KCNB2: variants seen among roughly 807,000 people sequenced by gnomAD.
KCNB2 encodes potassium voltage-gated channel subfamily B member 2, also known as delayed rectifier potassium channel protein.
A neutral mutation model predicts 61.5 loss-of-function variants in KCNB2; 15 were observed. The observed-to-expected ratio is 0.24, with a 90% CI of 0.16 to 0.38. The LOEUF (loss-of-function observed/expected upper bound fraction) is 0.38, where lower values mean the gene tolerates loss of function less well. KCNB2 is among the 10% of genes least tolerant of loss of function. KCNB2 has a pLI of 1.00. For missense variants in KCNB2, 828 were observed against 1,125.2 expected, an observed-to-expected ratio of 0.74 and a Z score of 3.78; for synonymous variants, 457 against 446.0, an observed-to-expected ratio of 1.02 and a Z score of -0.31.
At chr8:72,911,846 A>G (rs922235461) in intron 2 of KCNB2, among the ~76,000 whole-genome samples, 4 of 152,322 alleles carry the variant, frequency 2.6e-5, no homozygotes, top group African/African-American at 9.6e-5. Context: ...TATAATGAGA[A>G]CAACAGTATC....
chr8:72,651,794 CTG>C (rs1385832701), intron 2 of KCNB2, among the ~76,000 whole-genome samples: 1 of 152,022 alleles, frequency 6.6e-6, no homozygotes, highest in Non-Finnish European at 1.5e-5. Context: ...AACATTGAAA[CTG>C]AGCATATCAG....
chr8:72,693,841 T>A (rs2128990362), intron 2 of KCNB2, among the ~76,000 whole-genome samples: 1 of 152,322 alleles, frequency 6.6e-6, no homozygotes, highest in East Asian at 1.9e-4. Context: ...TCAACCCTGC[T>A]TATCTAAAAA....
chr8:72,745,736 G>T (rs1748364763), intron 2 of KCNB2, among the ~76,000 whole-genome samples: 1 of 152,094 alleles, frequency 6.6e-6, no homozygotes, highest in Admixed American at 6.6e-5. Flanking sequence ...CTGATCTCCA[G>T]CCCCTGCTGC....
intron 2 of KCNB2, among the ~76,000 whole-genome samples, chr8:72,791,501 A>T (rs1211772267): frequency 6.6e-6 from 1 of 152,136 alleles, no homozygotes; most frequent in African/African-American, 2.4e-5. Context: ...GTGAGCCATG[A>T]TCAGGACACT....
At chr8:72,573,512 C>T (rs1294537060) in intron 2 of KCNB2, among the ~76,000 whole-genome samples, 3 of 152,226 alleles carry the variant, frequency 2.0e-5, no homozygotes, top group African/African-American at 7.2e-5. Context: ...ACAGAAACCC[C>T]TCTACACTGA....
chr8:72,775,576 C>T (rs1808635627), intron 2 of KCNB2, among the ~76,000 whole-genome samples: 1 of 152,154 alleles, frequency 6.6e-6, no homozygotes, highest in African/African-American at 2.4e-5. Context: ...AGATGCGTGA[C>T]TTGACTTCGT....
chr8:72,611,165 T>C (rs1805531678), intron 2 of KCNB2, among the ~76,000 whole-genome samples: 1 of 152,198 alleles, frequency 6.6e-6, no homozygotes, highest in Non-Finnish European at 1.5e-5. Context: ...CATCTTTTAA[T>C]CCTCAGAATG....
chr8:72,749,392 A>C (rs1463217107), intron 2 of KCNB2: 12 of 152,116 alleles, frequency 7.9e-5, no homozygotes, highest in Admixed American at 5.2e-4. Context: ...AAGGGATTCC[A>C]AGAGTGACCC....
intron 2 of KCNB2, among the ~76,000 whole-genome samples, chr8:72,598,838 C>T (rs897165652): frequency 2.0e-5 from 3 of 152,132 alleles, no homozygotes; most frequent in Non-Finnish European, 2.9e-5. Context: ...GAGTGAACTC[C>T]CATTCACAAT....
At chr8:72,623,977 A>G (rs148228570) in intron 2 of KCNB2, among the ~76,000 whole-genome samples, 27 of 152,052 alleles carry the variant, frequency 1.8e-4, no homozygotes, top group Admixed American at 1.5e-3. Context: ...GTGCTTCCTG[A>G]TCGGTGCATA....
chr8:72,706,234 CA>C (rs926038968), intron 2 of KCNB2, among the ~76,000 whole-genome samples: 1 of 152,168 alleles, frequency 6.6e-6, no homozygotes, highest in Admixed American at 6.5e-5. Flanking sequence ...TAAACTCAGC[CA>C]AAGTCCAGAG....
At chr8:72,750,421 T>A (rs1274054541) in intron 2 of KCNB2, 1 of 152,172 alleles carries the variant, frequency 6.6e-6, no homozygotes, top group Non-Finnish European at 1.5e-5. Context: ...CAGTTGAATT[T>A]CAAATTGTTT....
intron 2 of KCNB2, among the ~76,000 whole-genome samples, chr8:72,736,551 G>A (rs1807849150): frequency 1.3e-5 from 2 of 152,040 alleles, no homozygotes; most frequent in Admixed American, 6.6e-5. Context: ...ACATTTGTTT[G>A]ACAAGATGCC....
At chr8:72,668,018 T>C (rs1806506646) in intron 2 of KCNB2, among the ~76,000 whole-genome samples, 1 of 152,226 alleles carries the variant, frequency 6.6e-6, no homozygotes, top group Admixed American at 6.5e-5. Context: ...CTAGTTGTAC[T>C]CATGGTTATG....
intron 2 of KCNB2, chr8:72,619,133 A>G (rs1805667448): frequency 6.9e-6 from 2 of 291,798 alleles, no homozygotes; most frequent in Non-Finnish European, 1.4e-5. Flanking sequence ...TTTTTTCAAG[A>G]TTTTCCCATT....
intron 2 of KCNB2, among the ~76,000 whole-genome samples, chr8:72,725,412 A>G (rs1440760614): frequency 1.3e-5 from 2 of 151,058 alleles, no homozygotes; most frequent in Non-Finnish European, 2.9e-5. Flanking sequence ...TCAAAACTGA[A>G]CTAACACTTA....
chr8:72,834,962 C>G (rs568953796), intron 2 of KCNB2, among the ~76,000 whole-genome samples: 2 of 152,166 alleles, frequency 1.3e-5, no homozygotes, highest in African/African-American at 4.8e-5. Context: ...GGAAAACCAG[C>G]AGGAGGAAGG....
chr8:72,587,794 T>C (rs1156780479), intron 2 of KCNB2, among the ~76,000 whole-genome samples: 2 of 152,174 alleles, frequency 1.3e-5, no homozygotes, highest in African/African-American at 4.8e-5. Flanking sequence ...AAACTTTATT[T>C]TAAGTCACTT....
intron 2 of KCNB2, among the ~76,000 whole-genome samples, chr8:72,825,146 T>C (rs995282421): frequency 3.0e-4 from 45 of 152,224 alleles, no homozygotes; most frequent in African/African-American, 1.1e-3. Context: ...AATCATACAG[T>C]ATTTGTCCTT....
Sources: allele counts gnomAD v4.1 joint callset (sites outside exome capture counted in the v4.1 genomes callset), GRCh38; gene constraint gnomAD v4.1.1; transcripts MANE v1.5; gene names NCBI Gene and HGNC (gene_info 2026-07-23, HGNC 2026-07-21).